Variants in NBPF15 observed in about 807,000 individuals in gnomAD.
NBPF15 encodes the protein NBPF member 15.
NBPF15 carries 74 observed loss-of-function variants against 62.2 expected under a neutral mutation model. The ratio of observed to expected loss-of-function variants is 1.19; its 90% CI spans 0.99 to 1.44. The LOEUF (loss-of-function observed/expected upper bound fraction) is 1.44. NBPF15 is among the 40% of genes most tolerant of loss of function. The pLI is 0.00. For missense variants in NBPF15, 790 were observed against 550.0 expected, an observed-to-expected ratio of 1.44 and a Z score of -4.36; for synonymous variants, 244 against 209.7, an observed-to-expected ratio of 1.16 and a Z score of -1.41.
At chr1:144,428,753 C>G (rs1311165819) in intron 14 of NBPF15, 96 bp from the exon 15 acceptor site, 2 of 623,030 alleles carry the variant, frequency 3.2e-6, no homozygotes, top group African/African-American at 3.7e-5. Context: ...GGACATCAGT[C>G]TTGTCAGTGT....
chr1:144,426,104 T>C, intron 18 of NBPF15, among the ~76,000 whole-genome samples, 174 bp downstream of exon 18: 1 of 94,428 alleles, frequency 1.1e-5, no homozygotes, highest in Non-Finnish European at 2.0e-5. Context: ...ACTGACCCAT[T>C]TCATGTCTAG....
At chr1:144,433,340 G>A (rs1390623172) in intron 13 of NBPF15, among the ~76,000 whole-genome samples, 2 of 152,000 alleles carry the variant, frequency 1.3e-5, no homozygotes, top group Non-Finnish European at 1.5e-5. Flanking sequence ...ATGCCCACAA[G>A]AGAAAGCAGA....
At position 144,422,693 on chromosome 1, in the gene NBPF15, C is replaced by T; in HGVS notation, c.*320G>A. Reference sequence around the variant, plus strand: ...CAATGACCTTGAGCAGGTATAGAAGCTCAGAGACATGCCTGCAAAATGAAA... The same window carrying T: ...CAATGACCTTGAGCAGGTATAGAAGTTCAGAGACATGCCTGCAAAATGAAA... On this transcript the variant is annotated 3_prime_UTR_variant, in exon 22 of 22. Transcript: ENST00000581897. 3 of 511,588 alleles carry T rather than the reference C, an allele frequency of 5.9e-6. No individual in the cohort carries two copies. Among genetic ancestry groups the T allele is most frequent in the South Asian group, 4.2e-5 (2 of 47,082 alleles). 31.7% of individuals were successfully genotyped at this position (511,588 alleles called of 1,614,324 possible). A position where few individuals can be genotyped will look rare whatever the true frequency, so the allele number is the denominator to read the frequency against.
chr1:144,459,247 T>G (rs1553547780), intron 3 of NBPF15, 119 bp downstream of exon 3: 2 of 151,914 alleles, frequency 1.3e-5, no homozygotes, highest in African/African-American at 4.8e-5. Flanking sequence ...TCCCAACACT[T>G]TGGGAGGCCG....
At chr1:144,424,057 G>C in intron 20 of NBPF15, 82 bp from the exon 21 acceptor site, 1 of 758,186 alleles carries the variant, frequency 1.3e-6, no homozygotes, top group Non-Finnish European at 2.4e-6. Flanking sequence ...TCCTCACACA[G>C]GGACCTCAGG....
At chr1:144,434,551 A>G (rs1336213722) in intron 12 of NBPF15, among the ~76,000 whole-genome samples, 1 of 146,240 alleles carries the variant, frequency 6.8e-6, no homozygotes, top group African/African-American at 2.6e-5. Context: ...ACATTGGATC[A>G]GCCATTGCAT....
chr1:144,436,451 G>T (rs1380937915), intron 10 of NBPF15, among the ~76,000 whole-genome samples: 4 of 151,904 alleles, frequency 2.6e-5, no homozygotes, highest in Non-Finnish European at 4.4e-5. Context: ...ACATTTGAAT[G>T]CTTCAGACCC....
In NBPF15 at chr1:144,439,856, A is replaced by C; in HGVS notation, c.148T>G (p.Phe50Val). ...EKCFLTQLAG[F>V]LANRQKKYKY... ...TATTTCTTCTGTCGGTTGGCCAGGA[A>C]GCCGGCCAGTTGAGTTAGAAAACAT... The change falls in exon 8 of 22, where the codon TTC becomes GTC. Residue 50 changes from phenylalanine to valine, a missense_variant. Phe to Val is a conservative substitution (Grantham distance 50, BLOSUM62 -1). Coordinates refer to ENST00000581897, the MANE Select transcript of NBPF15 (RefSeq NM_001385408.1). The C allele has an allele frequency of 6.2e-7, 1 of 1,608,880 alleles. No individual in the cohort carries two copies. The highest frequency in any genetic ancestry group is 8.5e-7 in the Non-Finnish European group (1 of 1,177,950).
chr1:144,435,558 G>A (rs1307630691), intron 11 of NBPF15, among the ~76,000 whole-genome samples: 2 of 151,944 alleles, frequency 1.3e-5, no homozygotes, highest in African/African-American at 4.8e-5. Flanking sequence ...GAGCTGAGGA[G>A]GATGAAGACT....
At chr1:144,439,113 AG>A (rs1680939089) in intron 8 of NBPF15, among the ~76,000 whole-genome samples, 2 of 151,744 alleles carry the variant, frequency 1.3e-5, no homozygotes, top group South Asian at 4.2e-4. Flanking sequence ...CCTCCTAGGC[AG>A]GGGTGATTAC....
At chr1:144,445,746 T>A (rs1223579495) in intron 6 of NBPF15, among the ~76,000 whole-genome samples, 1 of 151,408 alleles carries the variant, frequency 6.6e-6, no homozygotes, top group Non-Finnish European at 1.5e-5. Flanking sequence ...ACTCTTCTGA[T>A]CCATGACAAG....
Position 144,458,156 on chromosome 1 carries a change from A to G in NBPF15, c.-701+1210T>C, listed in dbSNP as rs587695572. 1.4e-3 allele frequency among the ~76,000 whole-genome samples: 213 copies of G among 152,260 alleles called. 6 individuals are homozygous for G. In the South Asian group the frequency reaches 0.041, roughly 29 times the overall value. ...TGTAGAATACTATTGTTTACATCAC[A>G]TCACGTCGGCCCTTTAAATGGCTTA... On this transcript the variant is annotated intron_variant, in intron 3 of 21. Transcript: ENST00000581897.
At position 144,439,957 on chromosome 1, in the gene NBPF15, T is replaced by G; in HGVS notation, c.47A>C (p.Asn16Thr). The change falls in exon 8 of 22, where the codon AAC becomes ACC. Residue 16 changes from asparagine (N) to threonine (T), a missense_variant. By Grantham distance (65) the Asn-to-Thr change is moderately conservative. Coordinates refer to ENST00000581897, the MANE Select transcript of NBPF15 (RefSeq NM_001385408.1). ...GPLSSEKAEMNILEINEKLRP... is the reference protein window; with the variant it reads ...GPLSSEKAEMTILEINEKLRP... ...CAATTTCTCATTGATTTCTAGAATG[T>G]TCATCTCTGCCTTCTCGCTGGACAA... is the stretch of plus-strand genomic sequence containing the variant. 1 of 1,610,864 alleles carries G rather than the reference T, an allele frequency of 6.2e-7. No individual in the cohort carries two copies. Among genetic ancestry groups the G allele is most frequent in the Non-Finnish European group, 8.5e-7 (1 of 1,178,628 alleles).
At chr1:144,439,417 G>T (rs1681177339) in intron 8 of NBPF15, among the ~76,000 whole-genome samples, 1 of 151,970 alleles carries the variant, frequency 6.6e-6, no homozygotes, top group African/African-American at 2.4e-5. Flanking sequence ...ACAGAGCTTT[G>T]CCTGTTGGGC....
rs1470854312 is a variant in NBPF15, at chr1:144,444,780, C to T, written c.-191+3995G>A. On this transcript the variant is annotated intron_variant, in intron 6 of 21. Transcript: ENST00000581897. ...GCAGAAGTCAAAACTCTCTTCCTCC[C>T]CAGTTCATCTGTGTCTTGTTACTGA... Among the ~76,000 whole-genome samples, 162 of 152,044 alleles carry T rather than the reference C, an allele frequency of 1.1e-3. 4 individuals are homozygous for T. The highest frequency in any genetic ancestry group is 6.8e-3 in the Middle Eastern group (2 of 294).
chr1:144,435,668 G>C (rs1219977422), intron 11 of NBPF15, 113 bp downstream of exon 11: 1 of 1,212,480 alleles, frequency 8.2e-7, no homozygotes, highest in Non-Finnish European at 1.2e-6. Context: ...TTCACATACT[G>C]TGGCCAAGCG....
At chr1:144,440,108 G>T in intron 7 of NBPF15, 33 bp downstream of exon 7, 2 of 1,580,694 alleles carry the variant, frequency 1.3e-6, no homozygotes, top group Non-Finnish European at 1.7e-6. Flanking sequence ...AATCAGGACT[G>T]AGGGATGTAA....
intron 4 of NBPF15, among the ~76,000 whole-genome samples, chr1:144,451,276 C>G (rs1296046123): frequency 6.6e-6 from 1 of 152,012 alleles, no homozygotes; most frequent in Non-Finnish European, 1.5e-5. Context: ...TGTCCCACCT[C>G]CAGTCCTAAG....
chr1:144,459,902 A>C (rs1275149352), intron 2 of NBPF15, among the ~76,000 whole-genome samples: 47 of 151,962 alleles, frequency 3.1e-4, no homozygotes, highest in African/African-American at 1.1e-3. Flanking sequence ...AATATGTAAT[A>C]CTAAGTTTTA....
Sources: allele counts gnomAD v4.1 joint callset (sites outside exome capture counted in the v4.1 genomes callset), GRCh38; gene constraint gnomAD v4.1.1; transcripts MANE v1.5; gene names NCBI Gene and HGNC (gene_info 2026-07-23, HGNC 2026-07-21).